DNAH7: variants seen among roughly 807,000 people sequenced by gnomAD.
DNAH7 encodes axonemal beta dynein heavy chain 7.
DNAH7 carries 397 observed loss-of-function variants against 444.6 expected under a neutral mutation model. The ratio of observed to expected loss-of-function variants is 0.89; its 90% CI spans 0.82 to 0.97. DNAH7 has a LOEUF of 0.97. Among genes scored for constraint, DNAH7 ranks in the 50% least tolerant of loss-of-function variants. The pLI, the probability that DNAH7 is intolerant of heterozygous loss-of-function variation, is 0.00. For missense variants in DNAH7, 4,902 were observed against 4,800.8 expected (o/e 1.02, Z -0.62); for synonymous variants, 1,636 against 1,624.4 (o/e 1.01, Z -0.17).
intron 19 of DNAH7, among the ~76,000 whole-genome samples, chr2:195,952,572 C>T (rs1201463188): frequency 1.3e-5 from 2 of 152,130 alleles, no homozygotes; most frequent in Admixed American, 6.6e-5. Flanking sequence ...ACCAATCAAA[C>T]ATGCAGGTTT....
chr2:196,011,202 G>A (rs1694710455), intron 10 of DNAH7, among the ~76,000 whole-genome samples: 1 of 152,092 alleles, frequency 6.6e-6, no homozygotes, highest in Admixed American at 6.6e-5. Flanking sequence ...TTGAGGTGAT[G>A]GATATGCTAA....
At chr2:195,906,453 C>CTTTTTTT (rs397870111) in intron 27 of DNAH7, among the ~76,000 whole-genome samples, 2 of 114,716 alleles carry the variant, frequency 1.7e-5, no homozygotes, top group African/African-American at 6.6e-5. Flanking sequence ...TTCTTTCTTT[C>CTTTTTTT]TTTTTTTTTT....
chr2:195,746,370 G>C (rs1693404170), intron 63 of DNAH7, among the ~76,000 whole-genome samples: 1 of 152,132 alleles, frequency 6.6e-6, no homozygotes, highest in African/African-American at 2.4e-5. Flanking sequence ...GACCTACAAA[G>C]AGACTTAGAC....
intron 21 of DNAH7, among the ~76,000 whole-genome samples, chr2:195,928,138 G>C (rs377559250): frequency 1.3e-5 from 2 of 152,092 alleles, no homozygotes; most frequent in East Asian, 3.9e-4. Context: ...CGTGTGCTCA[G>C]TGTTTAGCTC....
At chr2:195,989,786 T>G (rs1417059164) in intron 12 of DNAH7, among the ~76,000 whole-genome samples, 2 of 152,094 alleles carry the variant, frequency 1.3e-5, no homozygotes, top group Admixed American at 1.3e-4. Flanking sequence ...CCCACTCCAG[T>G]CTCTCCTGCT....
chr2:196,051,173 T>A lies in DNAH7; in HGVS notation c.141+14A>T. 1 of 1,609,794 alleles carries A rather than the reference T, an allele frequency of 6.2e-7. No individual in the cohort carries two copies. Among genetic ancestry groups the A allele is most frequent in the Non-Finnish European group, 8.5e-7 (1 of 1,177,170 alleles). Reference sequence around the variant, plus strand: ...AGCACAAAAATTCAATGAGAATATATTTGGATAAGTTACCATAGACAGCTG... The same window carrying A: ...AGCACAAAAATTCAATGAGAATATAATTGGATAAGTTACCATAGACAGCTG... On this transcript the variant is annotated intron_variant, in intron 3 of 64. Transcript: ENST00000312428.
intron 47 of DNAH7, among the ~76,000 whole-genome samples, chr2:195,835,120 G>C (rs988601080): frequency 6.6e-6 from 1 of 152,046 alleles, no homozygotes; most frequent in Admixed American, 6.6e-5. Flanking sequence ...CAACCACATA[G>C]CTTTCCACCT....
chr2:196,017,893 C>A (rs557766393), intron 9 of DNAH7, among the ~76,000 whole-genome samples: 2 of 152,166 alleles, frequency 1.3e-5, no homozygotes, highest in Admixed American at 1.3e-4. Flanking sequence ...AATAAGGAGA[C>A]CTTCTTAACC....
chr2:195,737,822 G>A lies in DNAH7; in HGVS notation c.*99C>T. 2.9e-6 allele frequency: 3 copies of A among 1,042,374 alleles called. No homozygotes were observed. The highest frequency in any genetic ancestry group is 4.2e-6 in the Non-Finnish European group (3 of 721,094). 64.6% of individuals were successfully genotyped at this position (1,042,374 alleles called of 1,614,324 possible). Reference sequence around the variant, plus strand: ...TTCATAATTATAACTTTAGTCAAATGTATTTAAACAAACAAAAAAAAAGGT... The same window carrying A: ...TTCATAATTATAACTTTAGTCAAATATATTTAAACAAACAAAAAAAAAGGT... On this transcript the variant is annotated 3_prime_UTR_variant, in exon 65 of 65. Coordinates refer to ENST00000312428, the MANE Select transcript of DNAH7 (RefSeq NM_018897.3).
intron 24 of DNAH7, among the ~76,000 whole-genome samples, chr2:195,910,859 C>T (rs754033186): frequency 9.9e-5 from 15 of 152,176 alleles, no homozygotes; most frequent in Admixed American, 2.0e-4. Context: ...ATCCTTCATG[C>T]GGGGCCTGAT....
At chr2:195,984,523 CATT>C in intron 15 of DNAH7, 106 bp downstream of exon 15, 1 of 1,107,540 alleles carries the variant, frequency 9.0e-7, no homozygotes, top group South Asian at 1.4e-5. Flanking sequence ...AATTGAAAGT[CATT>C]ATTATTTTTA....
At chr2:196,006,533 G>T (rs1238421217) in intron 10 of DNAH7, among the ~76,000 whole-genome samples, 2 of 150,708 alleles carry the variant, frequency 1.3e-5, no homozygotes, top group African/African-American at 4.9e-5. Context: ...TGTACTGGAG[G>T]GTCTAATCAG....
At position 195,816,962 on chromosome 2, in the gene DNAH7, G is replaced by A. The variant is rs923347785; in HGVS notation, c.9427C>T (p.Gln3143Ter). The A allele has an allele frequency of 6.4e-7, 1 of 1,565,870 alleles. No individual in the cohort carries two copies. Among genetic ancestry groups the A allele is most frequent in the African/African-American group, 1.4e-5 (1 of 72,340 alleles). Residue 3143 changes from glutamine (Q) to a stop codon, truncating the protein, a stop_gained and splice_region_variant, in exon 51 of 65, where the codon CAG (glutamine) becomes TAG (stop). Transcript: ENST00000312428. LOFTEE classifies it high-confidence loss of function. ...ATCTTGTCTTCTATTTCTTTTAACT[G>A]CCTGGAATAAAACAAAATTTTCTTA... ...LILQGAENKRQLKEIEDKILE... is the reference protein window; with the variant it reads ...LILQGAENKR
At chr2:195,824,929 T>C (rs1436580098) in intron 48 of DNAH7, 1 of 152,648 alleles carries the variant, frequency 6.6e-6, no homozygotes, top group South Asian at 2.1e-4. Flanking sequence ...TTACTCTCTC[T>C]ACTTCTCCCT....
At chr2:195,930,174 C>T in intron 21 of DNAH7, among the ~76,000 whole-genome samples, 1 of 152,150 alleles carries the variant, frequency 6.6e-6, no homozygotes, top group East Asian at 1.9e-4. Context: ...GAAACCACGT[C>T]TCTACTAAAA....
intron 7 of DNAH7, 62 bp downstream of exon 7, chr2:196,026,698 C>A (rs560672914): frequency 4.2e-6 from 5 of 1,196,342 alleles, no homozygotes; most frequent in Non-Finnish European, 4.7e-6. Flanking sequence ...ATTATTAATA[C>A]AAAAATAATC....
At position 195,864,426 on chromosome 2, in the gene DNAH7, T is replaced by C; in HGVS notation, c.7229A>G (p.Glu2410Gly). Residue 2410 changes from glutamate to glycine, a missense_variant, in exon 41 of 65, where the codon GAA (glutamate) becomes GGA (glycine). Glu to Gly is a moderately conservative substitution (Grantham distance 98, BLOSUM62 -2). Coordinates refer to ENST00000312428, the MANE Select transcript of DNAH7 (RefSeq NM_018897.3). ...AGCATTTAGCAGATTACTGACATCT[T>C]CCAGAAAAGACTCTTCTTTAATTTG... ...DTQIKEESFL[E>G]DVSNLLNAGE... The C allele has an allele frequency of 6.2e-7, 1 of 1,614,178 alleles. No homozygotes were observed. The highest frequency in any genetic ancestry group is 1.3e-5 in the African/African-American group (1 of 75,040).
At chr2:196,016,439 T>C (rs1252951649) in intron 9 of DNAH7, among the ~76,000 whole-genome samples, 2 of 152,158 alleles carry the variant, frequency 1.3e-5, no homozygotes, top group African/African-American at 2.4e-5. Flanking sequence ...GGCAATGAAG[T>C]AGCCTCTTCC....
At chr2:195,821,613 T>C (rs552319506) in intron 49 of DNAH7, among the ~76,000 whole-genome samples, 5 of 152,306 alleles carry the variant, frequency 3.3e-5, no homozygotes, top group African/African-American at 9.6e-5. Context: ...ATGTGTAGAA[T>C]AATTGAAGGT....
Sources: allele counts gnomAD v4.1 joint callset (sites outside exome capture counted in the v4.1 genomes callset), GRCh38; gene constraint gnomAD v4.1.1; transcripts MANE v1.5; gene names NCBI Gene and HGNC (gene_info 2026-07-23, HGNC 2026-07-21).